LEP: variants seen among roughly 807,000 people sequenced by gnomAD.
The protein encoded by LEP is leptin (murine obesity homolog).
In LEP, 6 loss-of-function variants were observed where a neutral mutation model predicts 9.8. The observed-to-expected ratio is 0.61, with a 90% CI of 0.34 to 1.21. The LOEUF is 1.21. Ranked by LOEUF, LEP falls within the 50% of genes most tolerant of loss-of-function variation. The probability of loss-of-function intolerance (pLI) is 0.04; values close to 1 mark genes in which losing one functional copy is unlikely to be tolerated. For synonymous variants in LEP, 112 were observed against 81.7 expected, an observed-to-expected ratio of 1.37 and a Z score of -2.00; for missense variants, 134 against 198.1, an observed-to-expected ratio of 0.68 and a Z score of 1.94.
chr7:128,251,990 G>A lies in LEP; in HGVS notation c.-28-1G>A. On this transcript the variant is annotated splice_acceptor_variant, in intron 1 of 2. Coordinates refer to ENST00000308868, the MANE Select transcript of LEP (RefSeq NM_000230.3). LOFTEE classifies it low-confidence loss of function (5UTR_SPLICE). Reference sequence around the variant, plus strand: ...CAGTGTGTGGTTCCTTCTGTTTTCAGGCCCAAGAAGCCCATCCTGGGAAGG... The same window carrying A: ...CAGTGTGTGGTTCCTTCTGTTTTCAAGCCCAAGAAGCCCATCCTGGGAAGG... 1.2e-6 allele frequency: 2 copies of A among 1,613,742 alleles called. No individual in the cohort carries two copies. Among genetic ancestry groups the A allele is most frequent in the Non-Finnish European group, 1.7e-6 (2 of 1,179,640 alleles).
Position 128,252,273 on chromosome 7 carries a change from C to G in LEP, c.144+111C>G, listed in dbSNP as rs145542727. ...ACATTTATTGAACGCCTCCTGAATG[C>G]CAGGCACCTACTGGAAGCTGAGAAG... is the stretch of plus-strand genomic sequence containing the variant. On this transcript the variant is annotated intron_variant, in intron 2 of 2. Coordinates refer to ENST00000308868, the MANE Select transcript of LEP (RefSeq NM_000230.3). 415 of 1,182,438 alleles carry G rather than the reference C, an allele frequency of 3.5e-4. No homozygotes were observed. In the African/African-American group the frequency reaches 5.6e-3, roughly 16 times the overall value. 73.2% of individuals were successfully genotyped at this position (1,182,438 alleles called of 1,614,324 possible).
chr7:128,244,086 T>TAAA (rs11380467), intron 1 of LEP, among the ~76,000 whole-genome samples: 18 of 148,476 alleles, frequency 1.2e-4, no homozygotes, highest in African/African-American at 3.9e-4. Context: ...CCATCTCTAT[T>TAAA]AAAAAAAAAA....
At chr7:128,243,663 G>A (rs1039708294) in intron 1 of LEP, among the ~76,000 whole-genome samples, 39 of 152,284 alleles carry the variant, frequency 2.6e-4, no homozygotes, top group African/African-American at 8.4e-4. Context: ...AGACAACTCC[G>A]TAAGAATTCC....
At chr7:128,250,796 C>G (rs921622636) in intron 1 of LEP, among the ~76,000 whole-genome samples, 2 of 152,182 alleles carry the variant, frequency 1.3e-5, no homozygotes, top group Non-Finnish European at 2.9e-5. Flanking sequence ...ATCTCCAGAA[C>G]CGTCATCCTA....
chr7:128,254,961 A>G lies in LEP; in HGVS notation c.*198A>G. On this transcript the variant is annotated 3_prime_UTR_variant, in exon 3 of 3. Transcript: ENST00000308868. ...TGCTTGAAACCAAAGATATATACACAGGATCCTATTCTCACCAGGAAGGGG... is the reference window on the plus strand; with the variant it reads ...TGCTTGAAACCAAAGATATATACACGGGATCCTATTCTCACCAGGAAGGGG... The G allele has an allele frequency of 3.2e-6, 2 of 632,252 alleles. No individual in the cohort carries two copies. The highest frequency in any genetic ancestry group is 5.6e-6 in the Non-Finnish European group (2 of 355,754). 39.2% of individuals were successfully genotyped at this position (632,252 alleles called of 1,614,324 possible).
intron 1 of LEP, among the ~76,000 whole-genome samples, chr7:128,246,969 A>G (rs1225702869): frequency 1.3e-5 from 2 of 152,114 alleles, no homozygotes; most frequent in East Asian, 3.9e-4. Context: ...TGCGTCCCAA[A>G]TGAGCATACA....
chr7:128,250,747 C>T (rs967866631), intron 1 of LEP, among the ~76,000 whole-genome samples: 5 of 152,090 alleles, frequency 3.3e-5, no homozygotes, highest in Admixed American at 2.0e-4. Context: ...AAGACCCAGA[C>T]GAGGAAGAAC....
At chr7:128,241,532 C>T (rs1795151575) in intron 1 of LEP, among the ~76,000 whole-genome samples, 1 of 152,356 alleles carries the variant, frequency 6.6e-6, no homozygotes, top group South Asian at 2.1e-4. Flanking sequence ...GCCCAGAAGG[C>T]AGGACCTTGC....
At chr7:128,246,870 A>C (rs961416993) in intron 1 of LEP, among the ~76,000 whole-genome samples, 2 of 152,122 alleles carry the variant, frequency 1.3e-5, no homozygotes, top group Non-Finnish European at 2.9e-5. Context: ...CCAGGCCTTG[A>C]TTAAAGGAGA....
At position 128,254,873 on chromosome 7, in the gene LEP, C is replaced by A. The variant is rs1454976052; in HGVS notation, c.*110C>A. The A allele has an allele frequency of 3.2e-6, 4 of 1,248,750 alleles. No individual in the cohort carries two copies. The East Asian group carries it at 9.7e-5, about 30-fold the overall frequency. 77.4% of individuals were successfully genotyped at this position (1,248,750 alleles called of 1,614,324 possible). On this transcript the variant is annotated 3_prime_UTR_variant, in exon 3 of 3. Coordinates refer to ENST00000308868, the MANE Select transcript of LEP (RefSeq NM_000230.3). ...GCATGGACACCCCTTATCCAGGACTCTGTCAATTTCCCTGACTCCTCTAAG... is the reference window on the plus strand; with the variant it reads ...GCATGGACACCCCTTATCCAGGACTATGTCAATTTCCCTGACTCCTCTAAG...
chr7:128,250,660 G>GT lies in LEP; in HGVS notation c.-28-1326dup, dbSNP rs772758123. 5.3e-5 allele frequency among the ~76,000 whole-genome samples: 8 copies of GT among 152,222 alleles called. No homozygotes were observed. The East Asian group carries it at 9.6e-4, about 18-fold the overall frequency. On this transcript the variant is annotated intron_variant, in intron 1 of 2. Coordinates refer to ENST00000308868, the MANE Select transcript of LEP (RefSeq NM_000230.3). ...TAAATAATATATAGACAGACTGCTTGTTTTTATTGTATTGCCAGAAATGAA... is the reference window on the plus strand; with the variant it reads ...TAAATAATATATAGACAGACTGCTTGTTTTTTATTGTATTGCCAGAAATGAA...
At chr7:128,248,149 G>A (rs1229247978) in intron 1 of LEP, among the ~76,000 whole-genome samples, 3 of 152,084 alleles carry the variant, frequency 2.0e-5, no homozygotes, top group South Asian at 2.1e-4. Flanking sequence ...AAAAAAATGA[G>A]GCTGGGCGTG....
At chr7:128,249,031 T>C (rs1795245474) in intron 1 of LEP, among the ~76,000 whole-genome samples, 1 of 152,232 alleles carries the variant, frequency 6.6e-6, no homozygotes, top group Non-Finnish European at 1.5e-5. Context: ...ATTTGCTGCC[T>C]TGAATTATTC....
intron 2 of LEP, among the ~76,000 whole-genome samples, chr7:128,253,274 T>TCTA (rs1795296344): frequency 6.6e-6 from 1 of 152,034 alleles, no homozygotes; most frequent in Non-Finnish European, 1.5e-5. Flanking sequence ...AAAGAGCGAG[T>TCTA]CTACCCTTTT....
At chr7:128,245,652 C>A (rs921745333) in intron 1 of LEP, among the ~76,000 whole-genome samples, 1 of 152,164 alleles carries the variant, frequency 6.6e-6, no homozygotes, top group East Asian at 1.9e-4. Flanking sequence ...TACCATGTTA[C>A]CTGAATTTAA....
chr7:128,246,870 A>G (rs961416993), intron 1 of LEP, among the ~76,000 whole-genome samples: 1 of 152,122 alleles, frequency 6.6e-6, no homozygotes, highest in South Asian at 2.1e-4. Flanking sequence ...CCAGGCCTTG[A>G]TTAAAGGAGA....
chr7:128,253,808 C>T (rs979785580), intron 2 of LEP, among the ~76,000 whole-genome samples: 6 of 152,220 alleles, frequency 3.9e-5, no homozygotes, highest in African/African-American at 1.4e-4. Flanking sequence ...CCCGAGTGCC[C>T]CACCTTGGGT....
intron 1 of LEP, among the ~76,000 whole-genome samples, chr7:128,244,919 A>G (rs983645943): frequency 1.3e-5 from 2 of 152,162 alleles, no homozygotes; most frequent in African/African-American, 4.8e-5. Flanking sequence ...GGGTCAGGAG[A>G]AGGAAGGGAG....
At position 128,254,660 on chromosome 7, in the gene LEP, T is replaced by A; in HGVS notation, c.401T>A (p.Val134Asp). 6.2e-7 allele frequency: 1 copy of A among 1,614,082 alleles called. No homozygotes were observed. The highest frequency in any genetic ancestry group is 8.5e-7 in the Non-Finnish European group (1 of 1,180,008). ...GAGACCTTGGACAGCCTGGGGGGTG[T>A]CCTGGAAGCTTCAGGCTACTCCACA... Reference protein sequence around the residue: ...GLETLDSLGGVLEASGYSTEV... With the variant: ...GLETLDSLGGDLEASGYSTEV... Residue 134 changes from valine (V) to aspartate (D), a missense_variant, in exon 3 of 3, where the codon GTC becomes GAC. Coordinates refer to ENST00000308868, the MANE Select transcript of LEP (RefSeq NM_000230.3).
Sources: gnomAD v4.1 joint callset for allele counts (sites outside exome capture counted in the v4.1 genomes callset) on GRCh38, gnomAD v4.1.1 for gene constraint, MANE v1.5 for transcripts, NCBI Gene and HGNC (gene_info 2026-07-23, HGNC 2026-07-21) for gene names.